SNX30: variants seen among roughly 807,000 people sequenced by gnomAD.
The protein encoded by SNX30 is sorting nexin family member 30, also known as sorting nexin-30.
SNX30 carries 24 observed loss-of-function variants against 46.4 expected under a neutral mutation model. The observed-to-expected ratio is 0.52, with a 90% CI of 0.37 to 0.73. The LOEUF is 0.73. SNX30 is among the 30% of genes least tolerant of loss of function. The pLI is 0.00. For synonymous variants in SNX30, 189 were observed against 211.5 expected (o/e 0.89, Z 0.92); for missense variants, 533 against 555.7 (o/e 0.96, Z 0.41).
chr9:112,864,429 C>G (rs1463498275), intron 8 of SNX30, 30 bp downstream of exon 8: 1 of 1,613,390 alleles, frequency 6.2e-7, no homozygotes, highest in African/African-American at 1.3e-5. Context: ...AGACTGGTTT[C>G]TAATGGCCAG....
chr9:112,824,559 C>T (rs1840553802), intron 3 of SNX30, among the ~76,000 whole-genome samples: 1 of 150,570 alleles, frequency 6.6e-6, no homozygotes, highest in South Asian at 2.1e-4. Context: ...CCTTAAACAA[C>T]AGAAATTTAT....
chr9:112,883,334 A>G (rs1841604669), downstream of SNX30, among the ~76,000 whole-genome samples: 1 of 152,122 alleles, frequency 6.6e-6, no homozygotes, highest in Admixed American at 6.5e-5. Context: ...GAGAGGCCGC[A>G]CCCAGATACC....
At chr9:112,864,503 C>T (rs1841287921) in intron 8 of SNX30, 104 bp downstream of exon 8, 3 of 1,466,318 alleles carry the variant, frequency 2.0e-6, no homozygotes, top group Non-Finnish European at 2.8e-6. Flanking sequence ...CATCTCCTTC[C>T]CTTATTTTAG....
intron 6 of SNX30, among the ~76,000 whole-genome samples, chr9:112,844,483 C>T (rs764032889): frequency 1.3e-4 from 20 of 152,106 alleles, no homozygotes; most frequent in Middle Eastern, 6.8e-3. Context: ...GATTGAGGTG[C>T]GTAGAGTGTG....
chr9:112,847,025 A>T (rs1305494729), intron 6 of SNX30, among the ~76,000 whole-genome samples: 2 of 152,214 alleles, frequency 1.3e-5, no homozygotes, highest in African/African-American at 4.8e-5. Context: ...GCCAAACCAC[A>T]GGATGCATCT....
intron 1 of SNX30, among the ~76,000 whole-genome samples, chr9:112,784,177 A>G (rs1839885328): frequency 6.6e-6 from 1 of 152,060 alleles, no homozygotes; most frequent in African/African-American, 2.4e-5. Context: ...AACACCTCTC[A>G]TCTGCCCTTG....
intron 1 of SNX30, among the ~76,000 whole-genome samples, chr9:112,793,797 GT>G (rs200559435): frequency 1.5e-5 from 2 of 137,112 alleles, no homozygotes. Context: ...TACCTCCACT[GT>G]TTTTTGTTTT....
At chr9:112,831,139 T>TAA (rs77607146) in intron 4 of SNX30, among the ~76,000 whole-genome samples, 136 of 119,138 alleles carry the variant, frequency 1.1e-3, no homozygotes, top group African/African-American at 3.0e-3. Context: ...CCTATCTCTT[T>TAA]AAAAAAAAAA....
At chr9:112,777,264 T>A (rs1839761167) in intron 1 of SNX30, among the ~76,000 whole-genome samples, 1 of 152,156 alleles carries the variant, frequency 6.6e-6, no homozygotes, top group South Asian at 2.1e-4. Context: ...GTCATTCCCT[T>A]GGAACTTGGA....
chr9:112,750,757 G>C (rs1303373926), upstream of SNX30: 2 of 153,504 alleles, frequency 1.3e-5, no homozygotes, highest in Non-Finnish European at 2.8e-5. Context: ...TGGGCTGGGC[G>C]CCGCGGCCGT....
chr9:112,756,712 CG>C (rs1179067199), intron 1 of SNX30, among the ~76,000 whole-genome samples: 1 of 152,130 alleles, frequency 6.6e-6, no homozygotes, highest in Non-Finnish European at 1.5e-5. Context: ...CCGCCTGCCT[CG>C]GCCTCTGAAA....
At chr9:112,831,613 T>C (rs2131445409) in intron 4 of SNX30, among the ~76,000 whole-genome samples, 1 of 152,356 alleles carries the variant, frequency 6.6e-6, no homozygotes, top group South Asian at 2.1e-4. Context: ...AATTAGGTCT[T>C]TGTGGCTACT....
intron 1 of SNX30, among the ~76,000 whole-genome samples, chr9:112,760,299 G>T (rs1311221716): frequency 6.6e-6 from 1 of 152,154 alleles, no homozygotes; most frequent in Non-Finnish European, 1.5e-5. Flanking sequence ...GGGGGCCCTG[G>T]AGGGGAGGCA....
At chr9:112,823,870 T>C (rs1476104368) in intron 3 of SNX30, among the ~76,000 whole-genome samples, 2 of 152,262 alleles carry the variant, frequency 1.3e-5, no homozygotes, top group Non-Finnish European at 2.9e-5. Flanking sequence ...TGCTTTGCAT[T>C]AAACTGGGCT....
At chr9:112,782,025 A>G (rs1468462645) in intron 1 of SNX30, among the ~76,000 whole-genome samples, 1 of 152,204 alleles carries the variant, frequency 6.6e-6, no homozygotes, top group Non-Finnish European at 1.5e-5. Flanking sequence ...TGTGAAAATT[A>G]GTGAAATTAA....
intron 1 of SNX30, among the ~76,000 whole-genome samples, chr9:112,779,626 C>T (rs1182181975): frequency 2.0e-5 from 3 of 152,080 alleles, no homozygotes; most frequent in Admixed American, 6.5e-5. Flanking sequence ...ACCTGGGAGG[C>T]GGAGGTTGCA....
intron 1 of SNX30, 45 bp from the exon 2 acceptor site, chr9:112,804,731 C>T (rs752309500): frequency 2.5e-6 from 3 of 1,189,552 alleles, no homozygotes; most frequent in South Asian, 1.5e-5. Context: ...TGATACTCTC[C>T]AGTATGTTTT....
In SNX30 at chr9:112,850,884, T is replaced by A. The variant is rs1409452444; in HGVS notation, c.1040T>A (p.Val347Asp). The change falls in exon 7 of 9, where the codon GTT becomes GAT. Residue 347 changes from valine to aspartate, a missense_variant. Val to Asp is a radical substitution (Grantham distance 152, BLOSUM62 -3). Around this residue, in one of 3 missense-constraint regions of SNX30, gnomAD observed 261 missense variants for 270.9 expected, o/e 0.96. Transcript: ENST00000374232. ...MKSVLKKRDQ[V>D]QAEYEAKLEA... is the part of the protein sequence containing the mutation. ...AGTGTATTGAAGAAGAGGGACCAAGTTCAAGCAGAGTATGAAGCCAAACTG... is the reference window on the plus strand; with the variant it reads ...AGTGTATTGAAGAAGAGGGACCAAGATCAAGCAGAGTATGAAGCCAAACTG... The A allele has an allele frequency of 6.2e-7, 1 of 1,613,740 alleles. No homozygotes were observed. The highest frequency in any genetic ancestry group is 1.3e-5 in the African/African-American group (1 of 74,884).
intron 7 of SNX30, among the ~76,000 whole-genome samples, chr9:112,859,632 G>T (rs957925677): frequency 6.6e-6 from 1 of 152,070 alleles, no homozygotes; most frequent in Non-Finnish European, 1.5e-5. Flanking sequence ...ATTTTTTTGA[G>T]ACAGAGTCTT....
Sources: gnomAD v4.1 joint callset for allele counts (sites outside exome capture counted in the v4.1 genomes callset) on GRCh38, gnomAD v4.1.1 for gene constraint, gnomAD v4.1.1 regional missense constraint, MANE v1.5 for transcripts, NCBI Gene and HGNC (gene_info 2026-07-23, HGNC 2026-07-21) for gene names.